Variants in NUP210L observed in about 807,000 individuals in gnomAD.
NUP210L encodes the protein nuclear pore membrane glycoprotein 210-like.
NUP210L carries 74 observed loss-of-function variants against 208.5 expected under a neutral mutation model. The observed-to-expected ratio is 0.35, with a 90% CI of 0.29 to 0.43. The LOEUF (loss-of-function observed/expected upper bound fraction) is 0.43, where lower values mean the gene tolerates loss of function less well. NUP210L is among the 20% of genes least tolerant of loss of function. The pLI, the probability that NUP210L is intolerant of heterozygous loss-of-function variation, is 1.00. For synonymous variants in NUP210L, 780 were observed against 816.9 expected (o/e 0.95, Z 0.77); for missense variants, 1,843 against 2,289.4 (o/e 0.81, Z 3.98).
At chr1:154,038,886 G>GA (rs1652707658) in intron 27 of NUP210L, among the ~76,000 whole-genome samples, 1 of 152,106 alleles carries the variant, frequency 6.6e-6, no homozygotes, top group Non-Finnish European at 1.5e-5. Context: ...ACAGGAAAGG[G>GA]AAAACTAATA....
intron 33 of NUP210L, among the ~76,000 whole-genome samples, chr1:154,018,133 G>A (rs571451285): frequency 5.3e-5 from 8 of 151,508 alleles, no homozygotes; most frequent in Admixed American, 3.3e-4. Context: ...CACCAGGCCC[G>A]GCTAATTTTT....
At chr1:154,104,338 C>T (rs1656636613) in intron 12 of NUP210L, 128 bp from the exon 13 acceptor site, 2 of 711,002 alleles carry the variant, frequency 2.8e-6, no homozygotes, top group South Asian at 3.5e-5. Flanking sequence ...AATTGAATGA[C>T]TATCCATACA....
exon 35 of NUP210L, chr1:154,010,054 G>A (rs759662501): frequency 3.1e-6 from 5 of 1,613,804 alleles, no homozygotes; most frequent in Non-Finnish European, 4.2e-6. Context: ...ACTGTACATG[G>A]CACAGCATGA....
At chr1:154,065,086 T>TAAATAAAATA (rs57418988) in intron 17 of NUP210L, among the ~76,000 whole-genome samples, 2,754 of 134,598 alleles carry the variant, frequency 0.02, 55 homozygotes, top group African/African-American at 0.039. Flanking sequence ...AGTAAATAAA[T>TAAATAAAATA]AAATAAAATA....
intron 25 of NUP210L, among the ~76,000 whole-genome samples, chr1:154,051,026 A>G (rs570027633): frequency 1.1e-3 from 175 of 152,332 alleles, no homozygotes; most frequent in African/African-American, 4.0e-3. Flanking sequence ...ATGCTCAGCT[A>G]CAATTCCACA....
chr1:154,054,265 A>G, exon 25 of NUP210L: 1 of 1,614,168 alleles, frequency 6.2e-7, no homozygotes, highest in Non-Finnish European at 8.5e-7. Context: ...ATCTTCATTT[A>G]CTGTCTGGAT....
chr1:154,139,566 C>T (rs898836801), intron 5 of NUP210L, among the ~76,000 whole-genome samples: 7 of 152,036 alleles, frequency 4.6e-5, no homozygotes, highest in African/African-American at 1.4e-4. Flanking sequence ...TGTGGGCTCA[C>T]GCCTGTAATC....
At chr1:154,132,657 A>C (rs537280627) in intron 7 of NUP210L, among the ~76,000 whole-genome samples, 1 of 152,210 alleles carries the variant, frequency 6.6e-6, no homozygotes, top group South Asian at 2.1e-4. Context: ...AATATGGGGG[A>C]AAAAAAGAAC....
chr1:154,127,632 C>T (rs1439948052), intron 8 of NUP210L, among the ~76,000 whole-genome samples: 1 of 149,260 alleles, frequency 6.7e-6, no homozygotes, highest in Non-Finnish European at 1.5e-5. Flanking sequence ...CTCACTGCAA[C>T]CTCTGCCTCC....
intron 10 of NUP210L, among the ~76,000 whole-genome samples, chr1:154,125,712 A>C (rs1308112261): frequency 2.3e-5 from 1 of 43,404 alleles, no homozygotes; most frequent in East Asian, 1.0e-3. Flanking sequence ...GAAGGAAGGA[A>C]GGAAGGAAGG....
At chr1:154,103,978 CAAAG>C (rs955072107) in intron 13 of NUP210L, 30 bp downstream of exon 13, 3 of 1,508,588 alleles carry the variant, frequency 2.0e-6, no homozygotes, top group Non-Finnish European at 1.8e-6. Context: ...TAAATAAAGA[CAAAG>C]GAAGGAGAAG....
intron 10 of NUP210L, among the ~76,000 whole-genome samples, chr1:154,125,681 G>GA (rs1557994799): frequency 3.0e-4 from 2 of 6,616 alleles, no homozygotes; most frequent in African/African-American, 6.5e-4. Context: ...AAGGAAGGAA[G>GA]GAAGGAAGGA....
intron 16 of NUP210L, among the ~76,000 whole-genome samples, chr1:154,083,016 T>A (rs535014868): frequency 2.8e-4 from 43 of 152,136 alleles, no homozygotes; most frequent in Non-Finnish European, 5.7e-4. Flanking sequence ...ACCTTCGTGG[T>A]GAGTGTTACA....
intron 32 of NUP210L, among the ~76,000 whole-genome samples, chr1:154,019,545 T>C (rs1227929279): frequency 1.3e-5 from 2 of 152,302 alleles, no homozygotes; most frequent in East Asian, 3.9e-4. Flanking sequence ...TCCTGGCATA[T>C]GGCTCTTTCC....
chr1:154,086,038 C>A (rs1345920191), intron 16 of NUP210L, among the ~76,000 whole-genome samples: 1 of 151,632 alleles, frequency 6.6e-6, no homozygotes, highest in Non-Finnish European at 1.5e-5. Context: ...ATGGTGAAAC[C>A]CTGTCTCTAC....
At chr1:154,141,071 G>C in intron 4 of NUP210L, among the ~76,000 whole-genome samples, 1 of 151,524 alleles carries the variant, frequency 6.6e-6, no homozygotes, top group East Asian at 1.9e-4. Flanking sequence ...ACTTGGATCT[G>C]AGATCTACTC....
At chr1:154,125,632 A>G (rs192182159) in intron 10 of NUP210L, among the ~76,000 whole-genome samples, 3 of 1,352 alleles carry the variant, frequency 2.2e-3, no homozygotes, top group Admixed American at 8.9e-3. Context: ...AAAGGAAGGA[A>G]GGAAGGAAGG....
chr1:154,118,936 A>G, intron 10 of NUP210L, 128 bp from the exon 11 acceptor site: 2 of 472,516 alleles, frequency 4.2e-6, no homozygotes, highest in East Asian at 6.3e-5. Flanking sequence ...TATCTATAAA[A>G]GAAATAAATA....
At chr1:154,066,877 C>G (rs12043224) in intron 17 of NUP210L, among the ~76,000 whole-genome samples, 39,800 of 151,956 alleles carry the variant, frequency 0.26, 5,641 homozygotes, top group Admixed American at 0.37. Context: ...ATACACCCTC[C>G]CAAGACTAAA....
Sources: allele counts gnomAD v4.1 joint callset (sites outside exome capture counted in the v4.1 genomes callset), GRCh38; gene constraint gnomAD v4.1.1; transcripts MANE v1.5; gene names NCBI Gene and HGNC (gene_info 2026-07-23, HGNC 2026-07-21).